Variants in PIK3C2G observed in about 807,000 individuals in gnomAD.
The protein encoded by PIK3C2G is phosphatidylinositol 3-kinase C2 domain-containing subunit gamma.
Under a neutral mutation model 181.1 loss-of-function variants are expected in PIK3C2G, and 168 were observed. The observed-to-expected ratio is 0.93, with a 90% confidence interval of 0.82 to 1.05. The LOEUF (loss-of-function observed/expected upper bound fraction) is 1.05. PIK3C2G is among the 50% of genes least tolerant of loss of function. PIK3C2G has a pLI of 0.00. For synonymous variants in PIK3C2G, 573 were observed against 592.2 expected (o/e 0.97, Z 0.47); for missense variants, 1,869 against 1,732.8 (o/e 1.08, Z -1.40).
chr12:18,359,305 ATTAT>A (rs1457677623), intron 11 of PIK3C2G, among the ~76,000 whole-genome samples: 1 of 152,120 alleles, frequency 6.6e-6, no homozygotes, highest in East Asian at 1.9e-4. Context: ...GCTACTTGAT[ATTAT>A]TTGAGTTTTC....
intron 24 of PIK3C2G, among the ~76,000 whole-genome samples, chr12:18,533,127 C>T (rs1398199598): frequency 6.6e-6 from 1 of 151,994 alleles, no homozygotes. Context: ...TTAATATACT[C>T]AGTGGGAGGA....
chr12:18,386,723 A>G (rs894556116), intron 14 of PIK3C2G, among the ~76,000 whole-genome samples: 3 of 152,198 alleles, frequency 2.0e-5, no homozygotes, highest in East Asian at 3.8e-4. Context: ...TTATCCGTCA[A>G]TGTACATTTG....
rs1940567793 is a variant in PIK3C2G at position 18,491,527 on chromosome 12, C to T, written c.2762C>T (p.Pro921Leu). The T allele has an allele frequency of 6.2e-7, 1 of 1,603,118 alleles. No homozygotes were observed. Among genetic ancestry groups the T allele is most frequent in the Non-Finnish European group, 8.5e-7 (1 of 1,170,642 alleles). Residue 921 changes from proline to leucine, a missense_variant, in exon 20 of 33, where the codon CCT becomes CTT. Transcript: ENST00000538779. ...DVNTCHLPLN[P>L]ALCIKGIDHD... Reference sequence around the variant, plus strand: ...AATACTTGTCATCTTCCTCTGAACCCTGCCCTATGTATAAAAGGGATTGAT... The same window carrying T: ...AATACTTGTCATCTTCCTCTGAACCTTGCCCTATGTATAAAAGGGATTGAT...
chr12:18,657,399 C>A, the PIK3C2G span, among the ~76,000 whole-genome samples: 2 of 152,080 alleles, frequency 1.3e-5, no homozygotes, highest in African/African-American at 2.4e-5. Context: ...CACTGGCTGA[C>A]CCTCAGGCTC....
At chr12:18,432,217 A>C (rs1018660724) in intron 18 of PIK3C2G, among the ~76,000 whole-genome samples, 2 of 152,216 alleles carry the variant, frequency 1.3e-5, no homozygotes, top group Non-Finnish European at 2.9e-5. Flanking sequence ...TTCTACCACA[A>C]ATCAAGTCAA....
At chr12:18,715,865 C>T in the PIK3C2G span, 1 of 151,992 alleles carries the variant, frequency 6.6e-6, no homozygotes, top group African/African-American at 2.4e-5. Context: ...AGGCATGTGG[C>T]AATGCACTAT....
intron 24 of PIK3C2G, among the ~76,000 whole-genome samples, chr12:18,524,627 G>A (rs536858356): frequency 7.1e-4 from 106 of 149,922 alleles, no homozygotes; most frequent in African/African-American, 2.4e-3. Context: ...GTGCAACATC[G>A]CAATCTTGGC....
In PIK3C2G at chr12:18,584,067, C is replaced by T. The variant is rs142814979; in HGVS notation, c.4012-10427C>T. Among the ~76,000 whole-genome samples, 800 of 150,330 alleles carry T rather than the reference C, an allele frequency of 5.3e-3. 7 individuals carry two copies. Among genetic ancestry groups the T allele is most frequent in the African/African-American group, 0.019 (768 of 40,868 alleles). On this transcript the variant is annotated intron_variant, in intron 29 of 32. Coordinates refer to ENST00000538779, the MANE Select transcript of PIK3C2G (RefSeq NM_001288772.2). ...TTTTTGAGACAGAGTCTCGCTCTGTCGCCCAGGCTGGAGTTCAGTGGCGTG... is the reference window on the plus strand; with the variant it reads ...TTTTTGAGACAGAGTCTCGCTCTGTTGCCCAGGCTGGAGTTCAGTGGCGTG...
At chr12:18,321,655 A>G (rs1951113246) in intron 7 of PIK3C2G, among the ~76,000 whole-genome samples, 1 of 152,212 alleles carries the variant, frequency 6.6e-6, no homozygotes, top group East Asian at 1.9e-4. Context: ...GTAAAGGCTG[A>G]TATAACATAT....
At chr12:18,296,342 G>A (rs989364075) in intron 5 of PIK3C2G, among the ~76,000 whole-genome samples, 4 of 152,068 alleles carry the variant, frequency 2.6e-5, no homozygotes, top group Admixed American at 2.0e-4. Flanking sequence ...TCTGATTTCA[G>A]TTCGTCTGGG....
In PIK3C2G at chr12:18,594,548, G is replaced by T; in HGVS notation, c.4066G>T (p.Glu1356Ter). The T allele has an allele frequency of 6.5e-7, 1 of 1,550,374 alleles. No individual in the cohort carries two copies. The highest frequency in any genetic ancestry group is 1.3e-5 in the South Asian group (1 of 79,160). Residue 1356 changes from glutamate to a stop codon, truncating the protein, a stop_gained, in exon 30 of 33, where the codon GAA (glutamate) becomes TAA (stop). Transcript: ENST00000538779. LOFTEE classifies it high-confidence loss of function. ...LSEAVQQTVE[E>*]SSPVYLGEKF... ...TGAGGCTGTGCAACAAACAGTTGAA[G>T]AATCATCACCTGTGTACCTAGGTAA...
chr12:18,721,500 A>T, the PIK3C2G span, among the ~76,000 whole-genome samples: 3 of 152,038 alleles, frequency 2.0e-5, no homozygotes, highest in Non-Finnish European at 4.4e-5. Flanking sequence ...CACAATTCCA[A>T]AGTGTCACTG....
chr12:18,449,794 T>C (rs552290115), intron 18 of PIK3C2G, among the ~76,000 whole-genome samples: 5 of 152,306 alleles, frequency 3.3e-5, no homozygotes, highest in African/African-American at 1.2e-4. Flanking sequence ...GCAGAGTGAT[T>C]TGTATTCCTT....
the PIK3C2G span, among the ~76,000 whole-genome samples, chr12:18,707,536 C>A: frequency 6.6e-6 from 1 of 152,092 alleles, no homozygotes; most frequent in Non-Finnish European, 1.5e-5. Context: ...TGTTTGCCCC[C>A]CATTTCCTTA....
intron 14 of PIK3C2G, among the ~76,000 whole-genome samples, chr12:18,383,984 A>ATTTT (rs1349598583): frequency 7.4e-6 from 1 of 134,298 alleles, no homozygotes; most frequent in African/African-American, 2.7e-5. Flanking sequence ...TATTATTATT[A>ATTTT]TTATTTTTTT....
At chr12:18,591,687 T>C (rs531738170) in intron 29 of PIK3C2G, among the ~76,000 whole-genome samples, 44 of 151,924 alleles carry the variant, frequency 2.9e-4, no homozygotes, top group Non-Finnish European at 5.7e-4. Context: ...TGTTCAGCAG[T>C]TGGTCTGTTT....
intron 28 of PIK3C2G, among the ~76,000 whole-genome samples, 159 bp from the exon 29 acceptor site, chr12:18,566,790 T>C (rs1945660338): frequency 1.3e-5 from 2 of 152,172 alleles, no homozygotes; most frequent in East Asian, 1.9e-4. Flanking sequence ...ACCACAGCCA[T>C]ATTAATAAAA....
intron 31 of PIK3C2G, among the ~76,000 whole-genome samples, chr12:18,615,440 C>T (rs917346323): frequency 4.2e-5 from 6 of 143,926 alleles, no homozygotes; most frequent in Non-Finnish European, 9.1e-5. Context: ...TATATATATA[C>T]CTAAAATATA....
At chr12:18,494,618 C>A (rs1159066192) in intron 20 of PIK3C2G, among the ~76,000 whole-genome samples, 2 of 152,066 alleles carry the variant, frequency 1.3e-5, no homozygotes, top group Non-Finnish European at 2.9e-5. Flanking sequence ...CTAAGCCTTG[C>A]CTTCAGCCTC....
Sources: gnomAD v4.1 joint callset for allele counts (sites outside exome capture counted in the v4.1 genomes callset) on GRCh38, gnomAD v4.1.1 for gene constraint, MANE v1.5 for transcripts, NCBI Gene and HGNC (gene_info 2026-07-23, HGNC 2026-07-21) for gene names.